The following ZNF469 variants were observed in gnomAD, a reference collection of about 807,000 sequenced individuals.
The protein encoded by ZNF469 is zinc finger protein 469.
A neutral mutation model predicts 1.0 loss-of-function variants in ZNF469; 1 was observed. The observed-to-expected ratio is 1.00, with a 90% confidence interval of 0.35 to 4.73. The LOEUF (loss-of-function observed/expected upper bound fraction) is 4.73, where lower values mean the gene tolerates loss of function less well. ZNF469 is among the 30% of genes most tolerant of loss of function. ZNF469 has a pLI of 0.16. For synonymous variants in ZNF469, 2,703 were observed against 2,363.4 expected (o/e 1.14, Z -4.17); for missense variants, 6,100 against 5,356.3 (o/e 1.14, Z -4.33).
the ZNF469 span, among the ~76,000 whole-genome samples, chr16:88,368,521 C>A: frequency 6.6e-6 from 1 of 152,174 alleles, no homozygotes; most frequent in Non-Finnish European, 1.5e-5. Context: ...GGGGAGAGTG[C>A]AACCTTGGAG....
chr16:88,150,189 A>C, the ZNF469 span, among the ~76,000 whole-genome samples: 2 of 152,182 alleles, frequency 1.3e-5, no homozygotes, highest in African/African-American at 4.8e-5. Flanking sequence ...AAATGTCTGT[A>C]ATCCCAGCTA....
At chr16:88,309,566 G>C in the ZNF469 span, among the ~76,000 whole-genome samples, 1 of 149,630 alleles carries the variant, frequency 6.7e-6, no homozygotes, top group Non-Finnish European at 1.5e-5. Context: ...TACCCTCTGA[G>C]GTCCCCTCTC....
chr16:88,283,759 C>G, the ZNF469 span, among the ~76,000 whole-genome samples: 1 of 152,178 alleles, frequency 6.6e-6, no homozygotes, highest in South Asian at 2.1e-4. Context: ...CTGGTAGACC[C>G]CGAGTCTGCC....
chr16:88,394,373 A>C (rs1342671260), intron 1 of ZNF469, among the ~76,000 whole-genome samples: 1 of 151,780 alleles, frequency 6.6e-6, no homozygotes, highest in Non-Finnish European at 1.5e-5. Flanking sequence ...TCAGATGAGA[A>C]AAGAGGTGAA....
At chr16:88,181,610 G>C in the ZNF469 span, among the ~76,000 whole-genome samples, 1 of 152,174 alleles carries the variant, frequency 6.6e-6, no homozygotes, top group Non-Finnish European at 1.5e-5. Flanking sequence ...AATTAATTGA[G>C]CAAAAAAGAA....
At chr16:88,273,439 T>A in the ZNF469 span, among the ~76,000 whole-genome samples, 1 of 151,934 alleles carries the variant, frequency 6.6e-6, no homozygotes, top group Non-Finnish European at 1.5e-5. Flanking sequence ...AAAACCACAC[T>A]GACATACCAC....
the ZNF469 span, among the ~76,000 whole-genome samples, chr16:88,337,536 G>C: frequency 4.6e-5 from 7 of 152,200 alleles, no homozygotes; most frequent in African/African-American, 1.7e-4. Context: ...TTTCAATTCT[G>C]CTGAGTTTAT....
chr16:88,176,032 A>G, the ZNF469 span, among the ~76,000 whole-genome samples: 1 of 152,166 alleles, frequency 6.6e-6, no homozygotes, highest in Non-Finnish European at 1.5e-5. Flanking sequence ...TGACTCAAAC[A>G]CAGGCCCTCT....
chr16:88,331,458 T>C, the ZNF469 span, among the ~76,000 whole-genome samples: 117 of 148,376 alleles, frequency 7.9e-4, no homozygotes, highest in Admixed American at 1.5e-3. Context: ...ATCACCACCA[T>C]CATCACTACC....
the ZNF469 span, among the ~76,000 whole-genome samples, chr16:88,333,535 TGGA>T: frequency 7.0e-4 from 104 of 147,750 alleles, 1 homozygote; most frequent in African/African-American, 2.5e-3. Context: ...GGCCCATGGG[TGGA>T]GAAGGCTCGG....
chr16:88,319,115 T>C, the ZNF469 span, among the ~76,000 whole-genome samples: 1 of 152,120 alleles, frequency 6.6e-6, no homozygotes, highest in Non-Finnish European at 1.5e-5. Flanking sequence ...GATGCATGCC[T>C]TCCCATGACC....
the ZNF469 span, among the ~76,000 whole-genome samples, chr16:88,320,986 G>A: frequency 5.9e-5 from 9 of 152,234 alleles, no homozygotes; most frequent in South Asian, 2.1e-4. Flanking sequence ...ATGAACAGGC[G>A]AATGAGACAC....
chr16:88,297,269 G>T, the ZNF469 span, among the ~76,000 whole-genome samples: 2 of 152,164 alleles, frequency 1.3e-5, no homozygotes, highest in Admixed American at 1.3e-4. Context: ...AGCTAATGGC[G>T]GGGGGCTGGC....
chr16:88,141,719 G>A, the ZNF469 span, among the ~76,000 whole-genome samples: 28 of 152,342 alleles, frequency 1.8e-4, no homozygotes, highest in African/African-American at 6.3e-4. Flanking sequence ...GGAGGGAGGC[G>A]GGAGGCCAGG....
At chr16:88,353,763 G>C in the ZNF469 span, among the ~76,000 whole-genome samples, 1 of 152,216 alleles carries the variant, frequency 6.6e-6, no homozygotes, top group Non-Finnish European at 1.5e-5. Context: ...CAGGGAAGAT[G>C]AGCCCAGGAT....
the ZNF469 span, among the ~76,000 whole-genome samples, chr16:88,236,411 T>C: frequency 6.6e-6 from 1 of 152,272 alleles, no homozygotes; most frequent in Non-Finnish European, 1.5e-5. Context: ...TCAGTTTTAA[T>C]GTGAGTGCTG....
At chr16:88,220,599 C>A in the ZNF469 span, among the ~76,000 whole-genome samples, 1 of 152,172 alleles carries the variant, frequency 6.6e-6, no homozygotes, top group Non-Finnish European at 1.5e-5. Flanking sequence ...CTCATTTAAT[C>A]CTCATGACAC....
At chr16:88,254,531 G>T in the ZNF469 span, among the ~76,000 whole-genome samples, 2 of 152,196 alleles carry the variant, frequency 1.3e-5, no homozygotes, top group Non-Finnish European at 2.9e-5. Context: ...GCCGAGGTGG[G>T]CAGATCACTC....
chr16:88,131,161 G>A, the ZNF469 span, among the ~76,000 whole-genome samples: 1 of 152,240 alleles, frequency 6.6e-6, no homozygotes, highest in African/African-American at 2.4e-5. Context: ...CAAAACAAAC[G>A]TGCGGCAGAA....
Sources: allele counts gnomAD v4.1 joint callset (sites outside exome capture counted in the v4.1 genomes callset), GRCh38; gene constraint gnomAD v4.1.1; transcripts MANE v1.5; gene names NCBI Gene and HGNC (gene_info 2026-07-23, HGNC 2026-07-21).